Variants in RBFOX1 observed in about 807,000 individuals in gnomAD.
RBFOX1 encodes the protein RNA binding protein fox-1 homolog 1.
Under a neutral mutation model 57.7 loss-of-function variants are expected in RBFOX1, and 8 were observed. The ratio of observed to expected loss-of-function variants is 0.14; its 90% CI spans 0.08 to 0.25. The LOEUF (loss-of-function observed/expected upper bound fraction) is 0.25, where lower values mean the gene tolerates loss of function less well. Among genes scored for constraint, RBFOX1 ranks in the 10% least tolerant of loss-of-function variants. The pLI is 1.00. For missense variants in RBFOX1, 611 were observed against 548.5 expected (o/e 1.11, Z -1.14); for synonymous variants, 326 against 222.4 (o/e 1.47, Z -4.15).
intron 1 of RBFOX1, among the ~76,000 whole-genome samples, chr16:6,022,386 T>C (rs998229823): frequency 5.9e-5 from 9 of 152,134 alleles, no homozygotes; most frequent in Non-Finnish European, 1.2e-4. Context: ...TATGTTTAGA[T>C]ATAAAATTTT....
intron 2 of RBFOX1, among the ~76,000 whole-genome samples, chr16:5,479,022 T>G (rs2069428479): frequency 1.3e-5 from 2 of 152,180 alleles, no homozygotes; most frequent in Admixed American, 6.5e-5. Flanking sequence ...TTTATTAATT[T>G]CCTCACAAAT....
chr16:6,817,317 C>G (rs900302538), intron 3 of RBFOX1, among the ~76,000 whole-genome samples: 15 of 152,096 alleles, frequency 9.9e-5, no homozygotes, highest in Admixed American at 8.5e-4. Flanking sequence ...AAGCCCCTCT[C>G]CCATGTACGA....
At position 7,354,272 on chromosome 16, in the gene RBFOX1, G is replaced by A. The variant is rs1413432793; in HGVS notation, c.28-163875G>A. 3.9e-5 allele frequency among the ~76,000 whole-genome samples: 6 copies of A among 152,046 alleles called. No individual in the cohort carries two copies. In the South Asian group the frequency reaches 8.3e-4, roughly 21 times the overall value. ...AGGTGTGAGCCACCATGCTTGGCCC[G>A]AATTGTATATTTTAAAGTGTGAACT... On this transcript the variant is annotated intron_variant, in intron 4 of 15. Coordinates refer to ENST00000550418, the MANE Select transcript of RBFOX1 (RefSeq NM_018723.4).
intron 4 of RBFOX1, among the ~76,000 whole-genome samples, chr16:7,056,871 G>A (rs1046320664): frequency 6.6e-6 from 1 of 152,122 alleles, no homozygotes; most frequent in African/African-American, 2.4e-5. Flanking sequence ...ATACTAGGAA[G>A]GGTGGTTAGG....
intron 4 of RBFOX1, among the ~76,000 whole-genome samples, chr16:7,293,131 A>G (rs911669174): frequency 7.2e-5 from 11 of 152,196 alleles, no homozygotes; most frequent in Admixed American, 6.5e-4. Context: ...TGGGTTCTGC[A>G]TCCATAGATT....
At chr16:5,562,264 TGTCAA>T (rs1304310944) in intron 2 of RBFOX1, among the ~76,000 whole-genome samples, 2 of 152,214 alleles carry the variant, frequency 1.3e-5, no homozygotes, top group Non-Finnish European at 2.9e-5. Context: ...TGCAGTTATA[TGTCAA>T]GTAGGACCCA....
At chr16:7,491,719 C>T (rs1475385431) in intron 4 of RBFOX1, among the ~76,000 whole-genome samples, 1 of 152,176 alleles carries the variant, frequency 6.6e-6, no homozygotes, top group Non-Finnish European at 1.5e-5. Context: ...CAGCCTCAAA[C>T]TCCTGGGCTC....
At chr16:7,282,762 C>G (rs2095571733) in intron 4 of RBFOX1, among the ~76,000 whole-genome samples, 1 of 152,164 alleles carries the variant, frequency 6.6e-6, no homozygotes, top group Non-Finnish European at 1.5e-5. Context: ...TCCCCAAAGT[C>G]CACTGTGTCA....
intron 1 of RBFOX1, among the ~76,000 whole-genome samples, chr16:5,412,531 A>G (rs2151466926): frequency 6.6e-6 from 1 of 152,254 alleles, no homozygotes; most frequent in South Asian, 2.1e-4. Context: ...ACACAGGTAC[A>G]CAGATTTGTT....
At chr16:7,029,142 GTATATATGTA>G (rs2042020601) in intron 3 of RBFOX1, among the ~76,000 whole-genome samples, 1 of 68,498 alleles carries the variant, frequency 1.5e-5, no homozygotes, top group East Asian at 7.3e-4. Flanking sequence ...ATATATATGT[GTATATATGTA>G]TATATATACA....
At chr16:7,109,834 C>T (rs571560524) in intron 4 of RBFOX1, among the ~76,000 whole-genome samples, 4 of 152,222 alleles carry the variant, frequency 2.6e-5, no homozygotes, top group South Asian at 4.2e-4. Flanking sequence ...CCTTGCACTA[C>T]GTGATGAGGT....
chr16:6,057,239 C>T (rs2095625709), intron 1 of RBFOX1: 1 of 151,868 alleles, frequency 6.6e-6, no homozygotes, highest in Non-Finnish European at 1.5e-5. Context: ...TCTGCCTCCT[C>T]TAAATGCAGC....
At chr16:6,604,910 C>T (rs555467733) in intron 2 of RBFOX1, among the ~76,000 whole-genome samples, 1 of 151,996 alleles carries the variant, frequency 6.6e-6, no homozygotes, top group Admixed American at 6.6e-5. Context: ...CTTAGGCAGG[C>T]AGGTTACTTG....
intron 4 of RBFOX1, among the ~76,000 whole-genome samples, chr16:7,376,420 G>A (rs533056588): frequency 1.3e-5 from 2 of 152,284 alleles, no homozygotes; most frequent in Admixed American, 1.3e-4. Context: ...TTTCACAGAT[G>A]AGCACTGGAG....
intron 3 of RBFOX1, among the ~76,000 whole-genome samples, chr16:7,047,587 A>C (rs1320896553): frequency 2.0e-5 from 3 of 148,528 alleles, no homozygotes; most frequent in Non-Finnish European, 4.5e-5. Flanking sequence ...CTTTTGTCAA[A>C]TGTAGGAAGT....
At chr16:6,055,705 G>T (rs2095606883) in intron 1 of RBFOX1, among the ~76,000 whole-genome samples, 2 of 151,800 alleles carry the variant, frequency 1.3e-5, no homozygotes, top group East Asian at 1.9e-4. Context: ...ATTGCGATAA[G>T]GAAGTGTGAA....
rs1420059978 is a variant in RBFOX1, at chr16:6,904,580, G to A, written c.-15-147477G>A. ...CATGCCATTGCACTCCAGCCTGGGT[G>A]ACAGAGTGAGACTCTCTCTAAAAAA... On this transcript the variant is annotated intron_variant, in intron 3 of 15. Coordinates refer to ENST00000550418, the MANE Select transcript of RBFOX1 (RefSeq NM_018723.4). Among the ~76,000 whole-genome samples, 42 of 122,796 alleles carry A rather than the reference G, an allele frequency of 3.4e-4. 1 individual carries two copies. The highest frequency in any genetic ancestry group is 2.7e-3 in the Admixed American group (27 of 10,074). 80.6% of individuals were successfully genotyped at this position (122,796 alleles called of 152,430 possible).
At position 7,215,663 on chromosome 16, in the gene RBFOX1, A is replaced by C. The variant is rs192413458; in HGVS notation, c.27+163565A>C. On this transcript the variant is annotated intron_variant, in intron 4 of 15. Transcript: ENST00000550418. ...CGGGCAGATTAGCATTTCTTCCCCC[A>C]GTTCCCCAATGCTAGGCCACCACTA... 3.6e-4 allele frequency among the ~76,000 whole-genome samples: 54 copies of C among 151,766 alleles called. No individual in the cohort carries two copies. In the East Asian group the frequency reaches 9.3e-3, roughly 26 times the overall value.
intron 2 of RBFOX1, among the ~76,000 whole-genome samples, chr16:6,382,233 C>T (rs975931203): frequency 6.6e-6 from 1 of 152,182 alleles, no homozygotes; most frequent in African/African-American, 2.4e-5. Context: ...GTGAGCCATA[C>T]AAAGACAGGC....
Sources: gnomAD v4.1 joint callset for allele counts (sites outside exome capture counted in the v4.1 genomes callset) on GRCh38, gnomAD v4.1.1 for gene constraint, MANE v1.5 for transcripts, NCBI Gene and HGNC (gene_info 2026-07-23, HGNC 2026-07-21) for gene names.